The following DCP1A variants were observed in gnomAD, a reference collection of about 807,000 sequenced individuals.
DCP1A encodes the protein mRNA-decapping enzyme 1A.
Under a neutral mutation model 58.0 loss-of-function variants are expected in DCP1A, and 20 were observed. That is an observed-to-expected ratio of 0.34 (90% CI 0.24 to 0.50). The LOEUF is 0.50. Ranked by LOEUF, DCP1A falls within the 20% of genes least tolerant of loss-of-function variation. The pLI is 0.98. For missense variants in DCP1A, 613 were observed against 712.2 expected (o/e 0.86, Z 1.59); for synonymous variants, 285 against 275.1 (o/e 1.04, Z -0.36).
chr3:53,321,522 C>T (rs782122161), intron 3 of DCP1A, among the ~76,000 whole-genome samples: 29 of 152,170 alleles, frequency 1.9e-4, no homozygotes, highest in Non-Finnish European at 4.0e-4. Flanking sequence ...GAGTTTGAGA[C>T]CAGCCTGGCC....
intron 3 of DCP1A, among the ~76,000 whole-genome samples, chr3:53,337,367 G>T (rs1014575545): frequency 6.6e-6 from 1 of 152,132 alleles, no homozygotes; most frequent in Non-Finnish European, 1.5e-5. Flanking sequence ...GGCCAGGTGT[G>T]GATAACACTG....
At chr3:53,340,639 T>C (rs573111768) in intron 3 of DCP1A, among the ~76,000 whole-genome samples, 1 of 151,368 alleles carries the variant, frequency 6.6e-6, no homozygotes, top group Admixed American at 6.6e-5. Context: ...GCAACATTTC[T>C]CCAACTATAT....
chr3:53,314,952 G>A (rs536483923), intron 4 of DCP1A, among the ~76,000 whole-genome samples: 15 of 152,104 alleles, frequency 9.9e-5, no homozygotes, highest in Non-Finnish European at 1.8e-4. Context: ...GATTACAGGC[G>A]TGAGCCACTG....
At chr3:53,300,898 T>C (rs957369480) in intron 6 of DCP1A, among the ~76,000 whole-genome samples, 10 of 152,146 alleles carry the variant, frequency 6.6e-5, no homozygotes, top group African/African-American at 9.7e-5. Context: ...TCCGCCTGCC[T>C]CCACTTCCCA....
intron 4 of DCP1A, among the ~76,000 whole-genome samples, chr3:53,314,852 A>C (rs1553689055): frequency 6.6e-6 from 1 of 151,058 alleles, no homozygotes; most frequent in Non-Finnish European, 1.5e-5. Flanking sequence ...TTGTATTTTT[A>C]ATAAAGACAG....
At chr3:53,319,083 T>G (rs917665400) in intron 4 of DCP1A, among the ~76,000 whole-genome samples, 8 of 152,152 alleles carry the variant, frequency 5.3e-5, no homozygotes, top group Admixed American at 5.2e-4. Flanking sequence ...AGAGAAAGAT[T>G]TAATGCCCTG....
At chr3:53,324,544 A>G (rs1446592560) in intron 3 of DCP1A, among the ~76,000 whole-genome samples, 1 of 152,236 alleles carries the variant, frequency 6.6e-6, no homozygotes, top group East Asian at 1.9e-4. Flanking sequence ...CTGATTAACT[A>G]TCCTACAGAG....
intron 4 of DCP1A, among the ~76,000 whole-genome samples, chr3:53,318,738 G>A (rs1182220991): frequency 6.6e-6 from 1 of 152,176 alleles, no homozygotes; most frequent in African/African-American, 2.4e-5. Flanking sequence ...AAGGTTCTGA[G>A]TCACAAAAAA....
At chr3:53,326,954 T>C (rs1708122033) in intron 3 of DCP1A, among the ~76,000 whole-genome samples, 1 of 150,360 alleles carries the variant, frequency 6.7e-6, no homozygotes, top group Non-Finnish European at 1.5e-5. Flanking sequence ...ATTACGGTTC[T>C]GCCAAATGTT....
intron 8 of DCP1A, among the ~76,000 whole-genome samples, chr3:53,290,459 G>A (rs1359495999): frequency 6.6e-6 from 1 of 152,010 alleles, no homozygotes; most frequent in Non-Finnish European, 1.5e-5. Flanking sequence ...CAGACGCCTC[G>A]AGATCCACAG....
At chr3:53,308,049 A>C (rs1030032121) in intron 5 of DCP1A, among the ~76,000 whole-genome samples, 1 of 152,220 alleles carries the variant, frequency 6.6e-6, no homozygotes, top group Admixed American at 6.5e-5. Context: ...GAACATTAAT[A>C]AATCTAATGT....
intron 7 of DCP1A, among the ~76,000 whole-genome samples, chr3:53,291,550 C>T (rs1246027690): frequency 6.6e-6 from 1 of 151,740 alleles, no homozygotes; most frequent in African/African-American, 2.4e-5. Flanking sequence ...AAAGTAAGAA[C>T]ATGTGATATC....
intron 2 of DCP1A, among the ~76,000 whole-genome samples, chr3:53,344,312 C>T (rs2089264412): frequency 6.6e-6 from 1 of 152,134 alleles, no homozygotes; most frequent in South Asian, 2.1e-4. Context: ...GCCCCAAAAG[C>T]TGCCTAACAA....
At chr3:53,334,903 G>T (rs1212895204) in intron 3 of DCP1A, among the ~76,000 whole-genome samples, 4 of 151,294 alleles carry the variant, frequency 2.6e-5, no homozygotes, top group African/African-American at 9.7e-5. Context: ...TTCGATTACT[G>T]AATTATTGGT....
intron 3 of DCP1A, among the ~76,000 whole-genome samples, chr3:53,328,057 T>C (rs1163237706): frequency 2.6e-5 from 4 of 151,366 alleles, no homozygotes; most frequent in Non-Finnish European, 5.9e-5. Flanking sequence ...GTGGTGGAGG[T>C]TGCAGTGAGC....
At chr3:53,328,123 G>GAA (rs1323421997) in intron 3 of DCP1A, among the ~76,000 whole-genome samples, 35 of 141,826 alleles carry the variant, frequency 2.5e-4, no homozygotes, top group East Asian at 2.2e-3. Flanking sequence ...TCCGTCTCAG[G>GAA]AAAAAAAAAA....
intron 3 of DCP1A, among the ~76,000 whole-genome samples, chr3:53,334,805 G>C (rs1304084345): frequency 1.3e-5 from 2 of 152,166 alleles, no homozygotes; most frequent in African/African-American, 4.8e-5. Context: ...CTACTGCACT[G>C]ACAGCACTGC....
chr3:53,314,674 T>TTTC (rs1553689028), intron 4 of DCP1A, among the ~76,000 whole-genome samples: 2 of 141,780 alleles, frequency 1.4e-5, no homozygotes, highest in Non-Finnish European at 3.1e-5. Flanking sequence ...TTTCTTTTTT[T>TTTC]TTTTTTTTTT....
At chr3:53,305,318 T>C (rs370697832) in intron 5 of DCP1A, among the ~76,000 whole-genome samples, 141 of 151,824 alleles carry the variant, frequency 9.3e-4, no homozygotes, top group African/African-American at 3.2e-3. Context: ...TCTATAAACA[T>C]TGATATAGGT....
Sources: gnomAD v4.1 joint callset for allele counts (sites outside exome capture counted in the v4.1 genomes callset) on GRCh38, gnomAD v4.1.1 for gene constraint, MANE v1.5 for transcripts, NCBI Gene and HGNC (gene_info 2026-07-23, HGNC 2026-07-21) for gene names.